The following SCAPER variants were observed in gnomAD, a reference collection of about 807,000 sequenced individuals.
SCAPER encodes S-phase cyclin A associated protein in the ER, also known as S phase cyclin A-associated protein in the endoplasmic reticulum.
Under a neutral mutation model 182.2 loss-of-function variants are expected in SCAPER, and 98 were observed. The ratio of observed to expected loss-of-function variants is 0.54; its 90% confidence interval spans 0.46 to 0.64. SCAPER has a LOEUF of 0.64. Among genes scored for constraint, SCAPER ranks in the 30% least tolerant of loss-of-function variants. The probability of loss-of-function intolerance (pLI) is 0.00; values close to 1 mark genes in which losing one functional copy is unlikely to be tolerated. For missense variants in SCAPER, 1,432 were observed against 1,690.0 expected (o/e 0.85, Z 2.68); for synonymous variants, 605 against 564.6 (o/e 1.07, Z -1.01).
chr15:76,867,382 G>T (rs1040444381), intron 2 of SCAPER, among the ~76,000 whole-genome samples: 2 of 152,124 alleles, frequency 1.3e-5, no homozygotes, highest in African/African-American at 4.8e-5. Context: ...ATGAAGACAA[G>T]ATTACTAGTC....
At chr15:76,776,427 T>C (rs1279679148) in intron 8 of SCAPER, among the ~76,000 whole-genome samples, 3 of 151,964 alleles carry the variant, frequency 2.0e-5, no homozygotes, top group African/African-American at 7.2e-5. Flanking sequence ...CCTATCCAAG[T>C]AGCATCAGTA....
At chr15:76,536,377 T>G (rs151278548) in intron 23 of SCAPER, among the ~76,000 whole-genome samples, 14 of 152,130 alleles carry the variant, frequency 9.2e-5, no homozygotes, top group Non-Finnish European at 1.8e-4. Flanking sequence ...AAAAAACCAC[T>G]TTTGAATCTC....
At chr15:76,583,773 C>G (rs2048435545) in intron 22 of SCAPER, among the ~76,000 whole-genome samples, 1 of 152,118 alleles carries the variant, frequency 6.6e-6, no homozygotes, top group Non-Finnish European at 1.5e-5. Flanking sequence ...ATAACAAATG[C>G]TGGTGAGGAT....
chr15:76,384,216 C>A (rs2043149874), intron 27 of SCAPER, among the ~76,000 whole-genome samples: 1 of 152,182 alleles, frequency 6.6e-6, no homozygotes, highest in Non-Finnish European at 1.5e-5. Context: ...TTTTCAGAAC[C>A]TTGAGGATGA....
chr15:76,723,023 G>A (rs1047884572), intron 17 of SCAPER, among the ~76,000 whole-genome samples: 9 of 151,854 alleles, frequency 5.9e-5, no homozygotes, highest in African/African-American at 1.9e-4. Context: ...GTGATGTTAG[G>A]GTGTCAATTT....
intron 27 of SCAPER, among the ~76,000 whole-genome samples, chr15:76,393,495 G>A (rs1198985774): frequency 6.6e-6 from 1 of 152,184 alleles, no homozygotes; most frequent in Non-Finnish European, 1.5e-5. Flanking sequence ...AGACTGCAGA[G>A]AGAATAGAAG....
intron 20 of SCAPER, among the ~76,000 whole-genome samples, chr15:76,700,081 C>T (rs991541730): frequency 6.6e-6 from 1 of 152,212 alleles, no homozygotes; most frequent in Non-Finnish European, 1.5e-5. Flanking sequence ...CTCGTTTGGG[C>T]ATCCAAGTCC....
At chr15:76,404,410 A>AG in intron 27 of SCAPER, 114 bp downstream of exon 27, 1 of 1,058,720 alleles carries the variant, frequency 9.4e-7, no homozygotes, top group Non-Finnish European at 1.3e-6. Flanking sequence ...AAGAACAAAG[A>AG]GGAAAGATGG....
intron 7 of SCAPER, among the ~76,000 whole-genome samples, chr15:76,799,826 G>A (rs1248358143): frequency 6.6e-6 from 1 of 152,078 alleles, no homozygotes; most frequent in Non-Finnish European, 1.5e-5. Context: ...GGTAATAAAT[G>A]GAGCTCACAC....
chr15:76,389,391 C>T lies in SCAPER; in HGVS notation c.3468-7776G>A, dbSNP rs112386663. On this transcript the variant is annotated intron_variant, in intron 27 of 31. Transcript: ENST00000563290. ...TGGCATGTGCCTGTAATCCCAGCTA[C>T]TAGGGAGGCTGAGGCAGGAGAATGT... Among the ~76,000 whole-genome samples, 348 of 147,864 alleles carry T rather than the reference C, an allele frequency of 2.4e-3. 4 individuals are homozygous for T. Among genetic ancestry groups the T allele is most frequent in the African/African-American group, 8.1e-3 (321 of 39,824 alleles).
chr15:76,736,469 G>A (rs2061271816), intron 15 of SCAPER, among the ~76,000 whole-genome samples: 1 of 152,118 alleles, frequency 6.6e-6, no homozygotes, highest in Non-Finnish European at 1.5e-5. Context: ...CCATAGTAGA[G>A]TTTCTTTCAA....
intron 24 of SCAPER, among the ~76,000 whole-genome samples, chr15:76,480,573 T>C (rs377107142): frequency 1.4e-4 from 22 of 152,346 alleles, no homozygotes; most frequent in African/African-American, 5.3e-4. Context: ...AAGATCCTTG[T>C]CTCATTCATT....
At chr15:76,371,694 G>T (rs1009357977) in intron 29 of SCAPER, among the ~76,000 whole-genome samples, 5 of 151,444 alleles carry the variant, frequency 3.3e-5, no homozygotes, top group Middle Eastern at 3.4e-3. Flanking sequence ...CGAGGTGGGT[G>T]GATCACCTGA....
chr15:76,717,296 G>A (rs2059940947), intron 17 of SCAPER, among the ~76,000 whole-genome samples: 1 of 152,076 alleles, frequency 6.6e-6, no homozygotes, highest in Admixed American at 6.6e-5. Context: ...CTTCTTCGAG[G>A]AGAAAGAAAA....
chr15:76,820,957 TCCAGAAAA>T (rs2067494528), intron 5 of SCAPER, among the ~76,000 whole-genome samples: 1 of 152,124 alleles, frequency 6.6e-6, no homozygotes, highest in African/African-American at 2.4e-5. Context: ...ATGACCAAAA[TCCAGAAAA>T]CTGACAACAG....
chr15:76,524,180 G>A (rs1198971335), intron 23 of SCAPER, among the ~76,000 whole-genome samples: 3 of 152,002 alleles, frequency 2.0e-5, no homozygotes, highest in Non-Finnish European at 4.4e-5. Context: ...TACAGCAAAA[G>A]CAAAACAAAA....
intron 26 of SCAPER, among the ~76,000 whole-genome samples, chr15:76,406,728 T>C (rs1321169027): frequency 6.6e-6 from 1 of 152,180 alleles, no homozygotes; most frequent in African/African-American, 2.4e-5. Context: ...GGGAGCAGAC[T>C]GTAAAAGCTT....
chr15:76,675,040 T>C (rs2057285377), intron 20 of SCAPER, among the ~76,000 whole-genome samples: 2 of 152,172 alleles, frequency 1.3e-5, no homozygotes, highest in African/African-American at 4.8e-5. Context: ...ATAGTACTTA[T>C]GGAGAGCGGA....
intron 26 of SCAPER, among the ~76,000 whole-genome samples, chr15:76,416,189 T>C (rs1211071840): frequency 6.6e-6 from 1 of 152,070 alleles, no homozygotes; most frequent in East Asian, 1.9e-4. Flanking sequence ...AAAAGTTAAA[T>C]ACTGGCTGGG....
Sources: gnomAD v4.1 joint callset for allele counts (sites outside exome capture counted in the v4.1 genomes callset) on GRCh38, gnomAD v4.1.1 for gene constraint, MANE v1.5 for transcripts, NCBI Gene and HGNC (gene_info 2026-07-23, HGNC 2026-07-21) for gene names.